METAP2: variants seen among roughly 807,000 people sequenced by gnomAD.
METAP2 encodes methionine aminopeptidase 2.
METAP2 carries 25 observed loss-of-function variants against 59.4 expected under a neutral mutation model. That is an observed-to-expected ratio of 0.42 (90% CI 0.31 to 0.59). The LOEUF (loss-of-function observed/expected upper bound fraction) is 0.59, where lower values mean the gene tolerates loss of function less well. Among genes scored for constraint, METAP2 ranks in the 20% least tolerant of loss-of-function variants. METAP2 has a pLI of 0.16. For synonymous variants in METAP2, 214 were observed against 194.1 expected (o/e 1.10, Z -0.85); for missense variants, 366 against 581.2 (o/e 0.63, Z 3.81).
At chr12:95,491,797 C>T (rs552719528) in intron 4 of METAP2, among the ~76,000 whole-genome samples, 41 of 150,048 alleles carry the variant, frequency 2.7e-4, no homozygotes, top group Non-Finnish European at 4.9e-4. Flanking sequence ...CAGGTGTGAG[C>T]GACCATGCCT....
intron 7 of METAP2, among the ~76,000 whole-genome samples, chr12:95,502,786 T>C (rs1169856869): frequency 6.6e-6 from 1 of 151,958 alleles, no homozygotes; most frequent in African/African-American, 2.4e-5. Context: ...TGATTTCCCT[T>C]GTCCTTATCT....
chr12:95,510,086 C>G lies in METAP2; in HGVS notation c.965-1809C>G, dbSNP rs2076391356. On this transcript the variant is annotated intron_variant, in intron 8 of 10. Transcript: ENST00000323666. The stretch of plus-strand genomic sequence containing the variant: ...TCCTGACCTCAAGTCATCCACCTGC[C>G]TTGGCCTCCCAGAGTGTTGGGATTA... Among the ~76,000 whole-genome samples the G allele has an allele frequency of 3.3e-5, 5 of 152,200 alleles. No individual in the cohort carries two copies. The South Asian group carries it at 1.0e-3, about 32-fold the overall frequency.
At chr12:95,484,864 C>G (rs1382111443) in intron 3 of METAP2, 1 of 455,440 alleles carries the variant, frequency 2.2e-6, no homozygotes, top group South Asian at 1.6e-5. Context: ...TTGTGTTGGC[C>G]TCATTTCAGG....
intron 2 of METAP2, among the ~76,000 whole-genome samples, chr12:95,482,507 C>T (rs1168630697): frequency 6.6e-6 from 1 of 151,830 alleles, no homozygotes; most frequent in East Asian, 1.9e-4. Flanking sequence ...AGGCTGGGTA[C>T]AGTGGCTCAC....
In METAP2 at chr12:95,476,539, A is replaced by AGAGAGAGAGAGAGAGAGAGAGAGAG. The variant is rs773224806; in HGVS notation, c.259+361_259+362insGAGAGAGAGAGAGAGAGAGAGAGAG. On this transcript the variant is annotated intron_variant, in intron 2 of 10. Coordinates refer to ENST00000323666, the MANE Select transcript of METAP2 (RefSeq NM_006838.4). ...AAAAGAAAGAAAGAAAGAAAGAAAG[A>AGAGAGAGAGAGAGAGAGAGAGAGAG]AAAGCTAGAAAATGTGATATTCCTT... is the stretch of plus-strand genomic sequence containing the variant. Among the ~76,000 whole-genome samples, 45 of 148,660 alleles carry AGAGAGAGAGAGAGAGAGAGAGAGAG rather than the reference A, an allele frequency of 3.0e-4. 1 individual carries two copies. The highest frequency in any genetic ancestry group is 6.3e-4 in the African/African-American group (25 of 39,780).
intron 4 of METAP2, among the ~76,000 whole-genome samples, chr12:95,492,255 C>T (rs1181047886): frequency 6.6e-6 from 1 of 152,106 alleles, no homozygotes; most frequent in Non-Finnish European, 1.5e-5. Flanking sequence ...CCCACTTTGG[C>T]CTCCCAAACT....
At chr12:95,482,157 TGACGTGCTGTGGCTC>T in intron 2 of METAP2, 1 of 453,000 alleles carries the variant, frequency 2.2e-6, no homozygotes. Flanking sequence ...TCACCCAGGC[TGACGTGCTGTGGCTC>T]GATCTCAGCT....
At chr12:95,480,992 G>C (rs1232791299) in intron 2 of METAP2, among the ~76,000 whole-genome samples, 1 of 152,186 alleles carries the variant, frequency 6.6e-6, no homozygotes, top group Non-Finnish European at 1.5e-5. Flanking sequence ...TTATGTTTAG[G>C]TCTATGGTTC....
chr12:95,477,054 C>G (rs532618956), intron 2 of METAP2, among the ~76,000 whole-genome samples: 1 of 152,136 alleles, frequency 6.6e-6, no homozygotes, highest in South Asian at 2.1e-4. Flanking sequence ...AGAATAGAGC[C>G]AGAATTTCAA....
intron 7 of METAP2, among the ~76,000 whole-genome samples, chr12:95,501,166 C>CA (rs1472674837): frequency 6.6e-6 from 1 of 152,002 alleles, no homozygotes; most frequent in African/African-American, 2.4e-5. Context: ...TGTACCACTA[C>CA]ACCCAGCTAA....
chr12:95,479,046 C>T (rs1246099821), intron 2 of METAP2, among the ~76,000 whole-genome samples: 1 of 152,118 alleles, frequency 6.6e-6, no homozygotes, highest in African/African-American at 2.4e-5. Flanking sequence ...CACTGCACTC[C>T]AACCTGGGTA....
At chr12:95,505,792 A>ACT (rs1162596766) in intron 8 of METAP2, among the ~76,000 whole-genome samples, 1 of 149,190 alleles carries the variant, frequency 6.7e-6, no homozygotes, top group East Asian at 2.0e-4. Context: ...ACCGTGCCCA[A>ACT]CTCTTTTTTT....
intron 8 of METAP2, among the ~76,000 whole-genome samples, chr12:95,504,902 A>G (rs2076346474): frequency 6.6e-6 from 1 of 152,086 alleles, no homozygotes; most frequent in Non-Finnish European, 1.5e-5. Context: ...ACCAGTGACT[A>G]CCTCAAGTAT....
chr12:95,487,292 G>A (rs959583567), intron 4 of METAP2, among the ~76,000 whole-genome samples: 1 of 151,720 alleles, frequency 6.6e-6, no homozygotes, highest in Non-Finnish European at 1.5e-5. Flanking sequence ...TGTAGCTCTT[G>A]TTTTCTTGGC....
Position 95,476,041 on chromosome 12 carries a change from A to G in METAP2, c.152-30A>G, listed in dbSNP as rs1203989023. 2.9e-6 allele frequency: 4 copies of G among 1,374,302 alleles called. No homozygotes were observed. In the Admixed American group the frequency reaches 5.9e-5, roughly 20 times the overall value. 85.1% of individuals were successfully genotyped at this position (1,374,302 alleles called of 1,614,324 possible). On this transcript the variant is annotated intron_variant, in intron 1 of 10. Coordinates refer to ENST00000323666, the MANE Select transcript of METAP2 (RefSeq NM_006838.4). ...TCTAGTGGGAAAGTGTCTGTATTAG[A>G]TTTGATTTCTGCTATTTTATTTTGA...
intron 8 of METAP2, among the ~76,000 whole-genome samples, chr12:95,510,019 T>C (rs892347882): frequency 2.6e-5 from 4 of 152,150 alleles, no homozygotes; most frequent in African/African-American, 9.7e-5. Context: ...ATATTTTTAG[T>C]AGAGATGGGG....
intron 3 of METAP2, 138 bp downstream of exon 3, chr12:95,483,418 G>A: frequency 2.2e-6 from 1 of 454,756 alleles, no homozygotes; most frequent in Non-Finnish European, 4.1e-6. Context: ...GGAGATTGCA[G>A]TAAGCTGAGA....
intron 9 of METAP2, among the ~76,000 whole-genome samples, chr12:95,512,241 T>TC: frequency 6.6e-6 from 1 of 152,304 alleles, no homozygotes; most frequent in East Asian, 1.9e-4. Context: ...TATTGAGCAT[T>TC]CTCAGGTGCC....
In METAP2 at chr12:95,494,196, G is replaced by A; in HGVS notation, c.569G>A (p.Gly190Glu). The change falls in exon 5 of 11, where the codon GGG becomes GAG. Residue 190 changes from glycine to glutamate, a missense_variant. Physicochemically the swap from Gly to Glu is moderately conservative, Grantham distance 98 (BLOSUM62 -2). This residue lies in a region of METAP2 where 106 missense variants were observed against 221.9 expected (regional missense o/e 0.48). Coordinates refer to ENST00000323666, the MANE Select transcript of METAP2 (RefSeq NM_006838.4). Reference protein sequence around the residue: ...RKYVMSWIKPGMTMIEICEKL... With the variant: ...RKYVMSWIKPEMTMIEICEKL... ...TACGTAATGAGCTGGATCAAGCCTG[G>A]GATGACAATGATAGAAATCTGGTAA... 1 of 1,613,210 alleles carries A rather than the reference G, an allele frequency of 6.2e-7. No individual in the cohort carries two copies. Among genetic ancestry groups the A allele is most frequent in the Non-Finnish European group, 8.5e-7 (1 of 1,179,652 alleles).
Sources: gnomAD v4.1 joint callset for allele counts (sites outside exome capture counted in the v4.1 genomes callset) on GRCh38, gnomAD v4.1.1 for gene constraint, gnomAD v4.1.1 regional missense constraint, MANE v1.5 for transcripts, NCBI Gene and HGNC (gene_info 2026-07-23, HGNC 2026-07-21) for gene names.